ELFN1: variants seen among roughly 807,000 people sequenced by gnomAD.
The protein encoded by ELFN1 is protein ELFN1.
A neutral mutation model predicts 7.6 loss-of-function variants in ELFN1; 6 were observed. The observed-to-expected ratio is 0.79, with a 90% CI of 0.43 to 1.56. ELFN1 has a LOEUF of 1.56. ELFN1 is among the 40% of genes most tolerant of loss of function. The pLI is 0.01. For synonymous variants in ELFN1, 657 were observed against 588.1 expected, an observed-to-expected ratio of 1.12 and a Z score of -1.70; for missense variants, 1,169 against 1,232.2, an observed-to-expected ratio of 0.95 and a Z score of 0.77.
chr7:1,666,293 C>G (rs1778670195), upstream of ELFN1, among the ~76,000 whole-genome samples: 1 of 150,104 alleles, frequency 6.7e-6, no homozygotes, highest in Non-Finnish European at 1.5e-5. This position sits in a 1 kb window ranked among gnomAD's most constrained non-coding sequence, Gnocchi z 7.9. Flanking sequence ...CTGGGGGGGG[C>G]GGCGGGGGGC....
At position 1,735,517 on chromosome 7, in the gene ELFN1, G is replaced by T. The variant is rs554110132; in HGVS notation, c.-293-8787G>T. On this transcript the variant is annotated intron_variant, in intron 3 of 3. Transcript: ENST00000424383. This position sits in a 1 kb window ranked among gnomAD's most constrained non-coding sequence, Gnocchi z 5.9. ...GGCCATGTCCCCAGGAGCCAGCCCC[G>T]CCGAGTCAGCCCTCCCAGCCCTGGC... 6.6e-6 allele frequency among the ~76,000 whole-genome samples: 1 copy of T among 151,974 alleles called. No homozygotes were observed. Among genetic ancestry groups the T allele is most frequent in the Non-Finnish European group, 1.5e-5 (1 of 67,948 alleles).
intron 3 of ELFN1, among the ~76,000 whole-genome samples, chr7:1,723,197 A>G (rs372107026): frequency 1.6e-4 from 24 of 152,312 alleles, no homozygotes; most frequent in African/African-American, 5.5e-4. Context: ...TCCATCTCAA[A>G]AAAAATTTTT....
At chr7:1,729,462 A>AC (rs1336011421) in intron 3 of ELFN1, among the ~76,000 whole-genome samples, 1 of 150,940 alleles carries the variant, frequency 6.6e-6, no homozygotes, top group Non-Finnish European at 1.5e-5. Flanking sequence ...ATGGGACCAC[A>AC]CCCCCCACCA....
intron 1 of ELFN1, among the ~76,000 whole-genome samples, chr7:1,678,138 A>T (rs1484094402): frequency 6.6e-6 from 1 of 152,162 alleles, no homozygotes; most frequent in African/African-American, 2.4e-5. Context: ...GGCAGCTCCC[A>T]GCCCTGGGCG....
chr7:1,728,091 C>A (rs1216185368), intron 3 of ELFN1, among the ~76,000 whole-genome samples: 1 of 152,202 alleles, frequency 6.6e-6, no homozygotes, highest in Non-Finnish European at 1.5e-5. Context: ...CCCAGACCTT[C>A]CTGCTCCACC....
rs1324480332 is a variant in ELFN1 at position 1,670,348 on chromosome 7, C to T, written c.-555C>T. ...GCGCAGCCCCGGAACCGAGGCCGGGCGGGCAGGTAAGCGGCGAGCGCGGCC... is the reference window on the plus strand; with the variant it reads ...GCGCAGCCCCGGAACCGAGGCCGGGTGGGCAGGTAAGCGGCGAGCGCGGCC... On this transcript the variant is annotated 5_prime_UTR_variant, in exon 1 of 4. Coordinates refer to ENST00000424383, the MANE Select transcript of ELFN1 (RefSeq NM_001128636.4). This position sits in a 1 kb window ranked among gnomAD's most constrained non-coding sequence, Gnocchi z 6.4. 6.6e-6 allele frequency among the ~76,000 whole-genome samples: 1 copy of T among 151,146 alleles called. No individual in the cohort carries two copies. The highest frequency in any genetic ancestry group is 2.4e-5 in the African/African-American group (1 of 41,100).
At chr7:1,685,807 G>T (rs1779052076) in intron 1 of ELFN1, among the ~76,000 whole-genome samples, 1 of 147,784 alleles carries the variant, frequency 6.8e-6, no homozygotes, top group Admixed American at 6.8e-5. Flanking sequence ...TATATAAACT[G>T]TTGAAAGATA....
At chr7:1,691,158 C>T (rs764832434) in intron 2 of ELFN1, among the ~76,000 whole-genome samples, 8 of 152,170 alleles carry the variant, frequency 5.3e-5, no homozygotes, top group Non-Finnish European at 8.8e-5. Context: ...CAAACTTGAC[C>T]GTGCCTAAGT....
chr7:1,669,102 C>T (rs1778713500), upstream of ELFN1, among the ~76,000 whole-genome samples: 1 of 152,248 alleles, frequency 6.6e-6, no homozygotes, highest in African/African-American at 2.4e-5. Context: ...ACCCTAGGAC[C>T]CGGGCGTGTC....
intron 1 of ELFN1, among the ~76,000 whole-genome samples, chr7:1,674,332 T>G (rs951007464): frequency 1.3e-5 from 2 of 152,134 alleles, no homozygotes; most frequent in African/African-American, 4.8e-5. Flanking sequence ...GGGGCTGTTC[T>G]GTGGTGGGAG....
At position 1,673,714 on chromosome 7, in the gene ELFN1, T is replaced by C. The variant is rs957347271; in HGVS notation, c.-549+3360T>C. Among the ~76,000 whole-genome samples, 2 of 152,152 alleles carry C rather than the reference T, an allele frequency of 1.3e-5. No individual in the cohort carries two copies. The highest frequency in any genetic ancestry group is 4.8e-5 in the African/African-American group (2 of 41,448). ...CTGGCATCCCCAGATGGAAAGACAA[T>C]GGTCTCACAAATAAATGTGCCTCCT... On this transcript the variant is annotated intron_variant, in intron 1 of 3. Coordinates refer to ENST00000424383, the MANE Select transcript of ELFN1 (RefSeq NM_001128636.4). The surrounding 1 kb of genome is among the most constrained non-coding windows in gnomAD (Gnocchi z 4.7).
chr7:1,704,463 A>T (rs921545853), intron 2 of ELFN1, among the ~76,000 whole-genome samples: 10 of 152,168 alleles, frequency 6.6e-5, no homozygotes, highest in Admixed American at 4.6e-4. Flanking sequence ...ACACTCATGC[A>T]TGTGCACACG....
At chr7:1,710,305 G>T (rs1779622678) in intron 3 of ELFN1, among the ~76,000 whole-genome samples, 2 of 152,308 alleles carry the variant, frequency 1.3e-5, no homozygotes, top group Non-Finnish European at 2.9e-5. Flanking sequence ...ACCTCCCAAG[G>T]CTTGCCTTTT....
intron 2 of ELFN1, among the ~76,000 whole-genome samples, chr7:1,689,753 G>A (rs977143818): frequency 2.0e-5 from 3 of 152,184 alleles, no homozygotes; most frequent in Admixed American, 2.0e-4. Flanking sequence ...TACAGGTGGC[G>A]AGTGCTACAC....
chr7:1,719,412 C>T (rs1360180780), intron 3 of ELFN1, among the ~76,000 whole-genome samples: 1 of 152,088 alleles, frequency 6.6e-6, no homozygotes, highest in Non-Finnish European at 1.5e-5. Context: ...CAGGGCCCCG[C>T]CCACCAACAG....
intron 2 of ELFN1, among the ~76,000 whole-genome samples, chr7:1,704,364 G>A (rs1779487120): frequency 6.6e-6 from 1 of 152,150 alleles, no homozygotes; most frequent in African/African-American, 2.4e-5. Context: ...CCGGACAAAA[G>A]GACCAGCGTT....
intron 3 of ELFN1, among the ~76,000 whole-genome samples, chr7:1,730,171 A>G (rs1379850249): frequency 6.6e-6 from 1 of 152,276 alleles, no homozygotes; most frequent in African/African-American, 2.4e-5. Flanking sequence ...AGCACAGAAG[A>G]CAAATGAGGC....
chr7:1,717,465 G>A (rs994880686), intron 3 of ELFN1, among the ~76,000 whole-genome samples: 3 of 152,192 alleles, frequency 2.0e-5, no homozygotes, highest in African/African-American at 7.2e-5. Context: ...TAGGCAGTGT[G>A]TCCAGTCTGC....
intron 3 of ELFN1, among the ~76,000 whole-genome samples, chr7:1,726,102 C>T (rs990380190): frequency 1.2e-4 from 18 of 152,242 alleles, no homozygotes; most frequent in South Asian, 8.3e-4. Flanking sequence ...CTCATACACA[C>T]GCACTATTCT....
Sources: gnomAD v4.1 joint callset for allele counts (sites outside exome capture counted in the v4.1 genomes callset) on GRCh38, gnomAD v4.1.1 for gene constraint, Gnocchi (gnomAD v3.1) non-coding constraint, MANE v1.5 for transcripts, NCBI Gene and HGNC (gene_info 2026-07-23, HGNC 2026-07-21) for gene names.